NBEA: variants seen among roughly 807,000 people sequenced by gnomAD.
NBEA encodes lysosomal-trafficking regulator 2.
Under a neutral mutation model 343.4 loss-of-function variants are expected in NBEA, and 44 were observed. That is an observed-to-expected ratio of 0.13 (90% CI 0.10 to 0.16). The LOEUF is 0.16. Ranked by LOEUF, NBEA falls within the 10% of genes least tolerant of loss-of-function variation. NBEA has a pLI of 1.00. For synonymous variants in NBEA, 1,175 were observed against 1,238.7 expected (o/e 0.95, Z 1.08); for missense variants, 2,555 against 3,631.3 (o/e 0.70, Z 7.62).
intron 1 of NBEA, among the ~76,000 whole-genome samples, chr13:34,994,495 A>G (rs374243734): frequency 1.3e-5 from 2 of 152,322 alleles, no homozygotes; most frequent in East Asian, 3.9e-4. Flanking sequence ...TGACCTTTTA[A>G]GAAAATAGGA....
intron 28 of NBEA, chr13:35,179,926 C>A: frequency 2.8e-6 from 1 of 362,084 alleles, no homozygotes; most frequent in Non-Finnish European, 3.8e-6. Flanking sequence ...GCATTTTAAA[C>A]AGTTTGTAAG....
At chr13:35,653,946 G>A (rs1293485499) in intron 53 of NBEA, among the ~76,000 whole-genome samples, 1 of 152,150 alleles carries the variant, frequency 6.6e-6, no homozygotes, top group African/African-American at 2.4e-5. Flanking sequence ...TGACTTTTGT[G>A]TATAATATTT....
At chr13:35,314,309 G>C (rs537662745) in intron 36 of NBEA, among the ~76,000 whole-genome samples, 1 of 152,126 alleles carries the variant, frequency 6.6e-6, no homozygotes, top group Non-Finnish European at 1.5e-5. Flanking sequence ...CAGGCAATTT[G>C]GGGGAGCCAA....
intron 39 of NBEA, among the ~76,000 whole-genome samples, chr13:35,451,610 T>C (rs1034881252): frequency 3.3e-5 from 5 of 152,256 alleles, no homozygotes; most frequent in Non-Finnish European, 7.3e-5. Flanking sequence ...TCTCGTTTGC[T>C]GCATACTTAT....
In NBEA at chr13:35,402,061, CA is replaced by C. The variant is rs2043027063; in HGVS notation, c.6180-30204del. On this transcript the variant is annotated intron_variant, in intron 38 of 58. Coordinates refer to ENST00000379939, the MANE Select transcript of NBEA (RefSeq NM_001385012.1). The stretch of plus-strand genomic sequence containing the variant: ...ATTTTGGATATTGAGTCAAAATAAG[CA>C]AAATTCTGATAATTACCTAAATTGG... 2.0e-5 allele frequency among the ~76,000 whole-genome samples: 3 copies of C among 151,918 alleles called. No individual in the cohort carries two copies. The South Asian group carries it at 6.2e-4, about 31-fold the overall frequency.
At chr13:35,266,669 C>T (rs1474920487) in intron 34 of NBEA, among the ~76,000 whole-genome samples, 6 of 151,608 alleles carry the variant, frequency 4.0e-5, no homozygotes, top group African/African-American at 1.2e-4. Context: ...ATGTTGGTTA[C>T]CAGGGCCTAG....
At chr13:34,966,621 GT>G (rs796166986) in intron 1 of NBEA, among the ~76,000 whole-genome samples, 1,579 of 131,408 alleles carry the variant, frequency 0.012, 36 homozygotes, top group African/African-American at 0.04. Flanking sequence ...CTGAGCCTGT[GT>G]TTTTTTTTTT....
intron 56 of NBEA, among the ~76,000 whole-genome samples, chr13:35,666,995 A>G (rs139806384): frequency 1.4e-4 from 21 of 152,330 alleles, no homozygotes; most frequent in Admixed American, 1.4e-3. Flanking sequence ...GAAAATGAGC[A>G]GCTGTTCTGA....
chr13:35,660,327 G>T (rs2085026791), intron 55 of NBEA, among the ~76,000 whole-genome samples: 1 of 152,156 alleles, frequency 6.6e-6, no homozygotes, highest in African/African-American at 2.4e-5. Flanking sequence ...TAGAGAGTTT[G>T]ATATACATAC....
chr13:35,022,939 TAGA>T (rs549834410), intron 1 of NBEA, among the ~76,000 whole-genome samples: 94 of 152,264 alleles, frequency 6.2e-4, no homozygotes, highest in African/African-American at 1.8e-3. Context: ...TAGCTTTATC[TAGA>T]AGAAGATTTA....
intron 34 of NBEA, among the ~76,000 whole-genome samples, chr13:35,233,194 T>C (rs2075066088): frequency 6.6e-6 from 1 of 152,082 alleles, no homozygotes; most frequent in Admixed American, 6.6e-5. Flanking sequence ...TTAAAAAGTT[T>C]TGTTTTATGA....
chr13:35,454,490 T>G (rs2046459262), intron 40 of NBEA, among the ~76,000 whole-genome samples: 1 of 152,200 alleles, frequency 6.6e-6, no homozygotes, highest in African/African-American at 2.4e-5. Flanking sequence ...GTCTTACTCA[T>G]AACATGTCAT....
chr13:35,327,711 C>A (rs56051105), intron 36 of NBEA, among the ~76,000 whole-genome samples: 1 of 151,756 alleles, frequency 6.6e-6, no homozygotes, highest in African/African-American at 2.4e-5. Context: ...CTATTGTACC[C>A]CAAACCTCAA....
intron 33 of NBEA, among the ~76,000 whole-genome samples, chr13:35,224,366 A>G (rs2074540118): frequency 6.6e-6 from 1 of 151,846 alleles, no homozygotes; most frequent in Admixed American, 6.6e-5. Flanking sequence ...TCTTTCTGTG[A>G]CTCCAATCAC....
chr13:35,190,005 A>G (rs1450984057), intron 30 of NBEA, among the ~76,000 whole-genome samples: 1 of 152,110 alleles, frequency 6.6e-6, no homozygotes, highest in Non-Finnish European at 1.5e-5. Context: ...GGTAGTTTTG[A>G]AAACCAGTAG....
At chr13:35,001,417 A>G (rs1424650107) in intron 1 of NBEA, among the ~76,000 whole-genome samples, 1 of 152,160 alleles carries the variant, frequency 6.6e-6, no homozygotes, top group Non-Finnish European at 1.5e-5. Flanking sequence ...GGTGGAATCA[A>G]CCTAAGTGTC....
chr13:35,159,363 G>A lies in NBEA; in HGVS notation c.3192G>A (p.Val1064=), dbSNP rs1464835191. ...TAGTAGATATAAAAGCAGAGAAAGTGGAAGCAACAGAAGTAAAGCTCGATG... is the reference window on the plus strand; with the variant it reads ...TAGTAGATATAAAAGCAGAGAAAGTAGAAGCAACAGAAGTAAAGCTCGATG... ...DLLVDIKAEK[V]EATEVKLDDM... The change falls in exon 22 of 59, where the codon GTG becomes GTA. Residue 1064 remains valine (V), a synonymous_variant. Transcript: ENST00000379939. 2 of 1,613,456 alleles carry A rather than the reference G, an allele frequency of 1.2e-6. No homozygotes were observed. Among genetic ancestry groups the A allele is most frequent in the Admixed American group, 1.7e-5 (1 of 59,898 alleles).
intron 45 of NBEA, among the ~76,000 whole-genome samples, chr13:35,576,671 C>T (rs905911884): frequency 1.3e-5 from 2 of 152,022 alleles, no homozygotes; most frequent in African/African-American, 4.8e-5. Flanking sequence ...TGTTGATATA[C>T]TGTCATATAT....
chr13:35,267,110 G>C (rs1318684087), intron 34 of NBEA, among the ~76,000 whole-genome samples: 1 of 151,890 alleles, frequency 6.6e-6, no homozygotes, highest in Non-Finnish European at 1.5e-5. Flanking sequence ...GTAGGCTGTG[G>C]AGGAGAAGAA....
Sources: allele counts gnomAD v4.1 joint callset (sites outside exome capture counted in the v4.1 genomes callset), GRCh38; gene constraint gnomAD v4.1.1; transcripts MANE v1.5; gene names NCBI Gene and HGNC (gene_info 2026-07-23, HGNC 2026-07-21).